The following STK24 variants were observed in gnomAD, a reference collection of about 807,000 sequenced individuals.
STK24 encodes the protein serine/threonine kinase 24, also known as serine/threonine-protein kinase 24.
A neutral mutation model predicts 55.6 loss-of-function variants in STK24; 21 were observed. The observed-to-expected ratio is 0.38, with a 90% CI of 0.27 to 0.54. The LOEUF is 0.54. Among genes scored for constraint, STK24 ranks in the 20% least tolerant of loss-of-function variants. The probability of loss-of-function intolerance (pLI) is 0.79; values close to 1 mark genes in which losing one functional copy is unlikely to be tolerated. For missense variants in STK24, 383 were observed against 538.4 expected, an observed-to-expected ratio of 0.71 and a Z score of 2.86; for synonymous variants, 200 against 215.2, an observed-to-expected ratio of 0.93 and a Z score of 0.62.
At chr13:98,477,773 G>C (rs958402292) in intron 3 of STK24, among the ~76,000 whole-genome samples, 3 of 151,762 alleles carry the variant, frequency 2.0e-5, no homozygotes, top group African/African-American at 7.3e-5. Flanking sequence ...CCTGTGGTTA[G>C]ATCTGGACTT....
chr13:98,512,309 G>A (rs1432536222), intron 2 of STK24, among the ~76,000 whole-genome samples: 1 of 152,200 alleles, frequency 6.6e-6, no homozygotes. Context: ...TCTTACATAG[G>A]TCGATGATGA....
At chr13:98,485,063 G>T (rs935050243) in intron 2 of STK24, among the ~76,000 whole-genome samples, 3 of 152,168 alleles carry the variant, frequency 2.0e-5, no homozygotes, top group African/African-American at 7.2e-5. Flanking sequence ...ATTGCATCAG[G>T]AAAAGCTCCA....
At chr13:98,525,755 T>A (rs1489675119) in intron 1 of STK24, among the ~76,000 whole-genome samples, 3 of 152,024 alleles carry the variant, frequency 2.0e-5, no homozygotes, top group Admixed American at 6.5e-5. Context: ...GAGGAAAGGG[T>A]TCAGGGATAA....
intron 1 of STK24, among the ~76,000 whole-genome samples, chr13:98,560,068 C>G (rs1472898719): frequency 1.3e-5 from 2 of 152,172 alleles, no homozygotes; most frequent in African/African-American, 4.8e-5. Context: ...CTCCGAAAAC[C>G]AGCAGTTTTT....
chr13:98,475,063 G>A, intron 4 of STK24, 85 bp from the exon 5 acceptor site: 1 of 1,501,434 alleles, frequency 6.7e-7, no homozygotes, highest in Non-Finnish European at 8.9e-7. Flanking sequence ...CCCTGGCTGG[G>A]TGGCGAACCC....
At position 98,470,517 on chromosome 13, in the gene STK24, T is replaced by C. The variant is rs186298573; in HGVS notation, c.598-3956A>G. On this transcript the variant is annotated intron_variant, in intron 5 of 10. Coordinates refer to ENST00000539966, the MANE Select transcript of STK24 (RefSeq NM_001032296.4). ...AAAATGAGGTGGAAGGAGAGACCCA[T>C]TTGGGAAAGATATGAAATTAGACAT... is the stretch of plus-strand genomic sequence containing the variant. 9.2e-5 allele frequency among the ~76,000 whole-genome samples: 14 copies of C among 152,336 alleles called. No individual in the cohort carries two copies. In the East Asian group the frequency reaches 2.5e-3, roughly 27 times the overall value.
intron 1 of STK24, among the ~76,000 whole-genome samples, chr13:98,553,936 C>T (rs1230665995): frequency 1.3e-5 from 2 of 152,036 alleles, no homozygotes; most frequent in African/African-American, 4.8e-5. Flanking sequence ...GTGGCAGGTG[C>T]CTGTTATCTC....
intron 6 of STK24, 127 bp downstream of exon 6, chr13:98,466,249 G>C: frequency 1.1e-6 from 1 of 943,002 alleles, no homozygotes; most frequent in Non-Finnish European, 1.5e-6. Context: ...TACTTACTTA[G>C]AAAAAGAAAA....
At chr13:98,464,140 G>C (rs1023412209) in intron 6 of STK24, among the ~76,000 whole-genome samples, 13 of 152,098 alleles carry the variant, frequency 8.5e-5, no homozygotes, top group Admixed American at 3.3e-4. Flanking sequence ...TGATCTGGTC[G>C]GGCGCAGTGG....
intron 1 of STK24, among the ~76,000 whole-genome samples, chr13:98,555,014 C>CAAAAAAAAAAAAAA (rs398024117): frequency 2.3e-5 from 2 of 88,328 alleles, no homozygotes; most frequent in African/African-American, 4.3e-5. Flanking sequence ...GACTCCAACT[C>CAAAAAAAAAAAAAA]AAAAAAAAAA....
At chr13:98,488,532 C>A (rs1375157759) in intron 2 of STK24, among the ~76,000 whole-genome samples, 1 of 152,132 alleles carries the variant, frequency 6.6e-6, no homozygotes, top group Non-Finnish European at 1.5e-5. Context: ...GGGTTACTGA[C>A]CTTTTTTTTA....
intron 2 of STK24, among the ~76,000 whole-genome samples, chr13:98,499,019 G>A (rs577185247): frequency 6.6e-6 from 1 of 152,172 alleles, no homozygotes; most frequent in African/African-American, 2.4e-5. Flanking sequence ...GGCTGAAGCG[G>A]GTGGATCACT....
intron 1 of STK24, among the ~76,000 whole-genome samples, chr13:98,552,395 G>C (rs1201880484): frequency 6.6e-6 from 1 of 152,132 alleles, no homozygotes; most frequent in African/African-American, 2.4e-5. Flanking sequence ...GGGGACACAA[G>C]TGGCTACGGG....
chr13:98,494,412 C>CAAAAAAAAAAAAAAAAAAAA lies in STK24; in HGVS notation c.274-12092_274-12091insTTTTTTTTTTTTTTTTTTTT, dbSNP rs1162677599. On this transcript the variant is annotated intron_variant, in intron 2 of 10. Transcript: ENST00000539966. ...CTGGGTGACAGAGCCAGACTCGTCTCAAAAAAAAAAAAAAAAGTGCCTCTA... is the reference window on the plus strand; with the variant it reads ...CTGGGTGACAGAGCCAGACTCGTCTCAAAAAAAAAAAAAAAAAAAAAAAAAAAAAAAAAAAAGTGCCTCTA... Among the ~76,000 whole-genome samples, 67 of 66,706 alleles carry CAAAAAAAAAAAAAAAAAAAA rather than the reference C, an allele frequency of 1.0e-3. 7 individuals are homozygous for CAAAAAAAAAAAAAAAAAAAA. Among genetic ancestry groups the CAAAAAAAAAAAAAAAAAAAA allele is most frequent in the East Asian group, 4.9e-3 (8 of 1,646 alleles). The allele number at this position is 66,706 out of a possible 152,430, so 43.8% of individuals were successfully genotyped here.
At chr13:98,520,046 T>C (rs1367020744) in intron 1 of STK24, among the ~76,000 whole-genome samples, 1 of 152,224 alleles carries the variant, frequency 6.6e-6, no homozygotes, top group African/African-American at 2.4e-5. Flanking sequence ...GTCACATACA[T>C]GCTGTACCCT....
intron 1 of STK24, among the ~76,000 whole-genome samples, chr13:98,565,658 G>A (rs1380397302): frequency 4.0e-5 from 6 of 150,320 alleles, no homozygotes; most frequent in South Asian, 2.1e-4. Flanking sequence ...AATTATATTC[G>A]ATTAGAGGGT....
chr13:98,528,227 T>C (rs568658464), intron 1 of STK24, among the ~76,000 whole-genome samples: 36 of 152,236 alleles, frequency 2.4e-4, no homozygotes, highest in African/African-American at 8.7e-4. Flanking sequence ...GCCTGGCCAA[T>C]GTCATGACCA....
intron 6 of STK24, 110 bp from the exon 7 acceptor site, chr13:98,463,946 G>T: frequency 7.8e-7 from 1 of 1,282,768 alleles, no homozygotes; most frequent in Non-Finnish European, 1.1e-6. Flanking sequence ...CCTGATGGCT[G>T]GACTCTCTAC....
intron 1 of STK24, among the ~76,000 whole-genome samples, chr13:98,537,394 G>A (rs1308419211): frequency 6.6e-6 from 1 of 152,226 alleles, no homozygotes; most frequent in African/African-American, 2.4e-5. Context: ...ATTCACAACA[G>A]CACAGTGCCC....
Sources: gnomAD v4.1 joint callset for allele counts (sites outside exome capture counted in the v4.1 genomes callset) on GRCh38, gnomAD v4.1.1 for gene constraint, MANE v1.5 for transcripts, NCBI Gene and HGNC (gene_info 2026-07-23, HGNC 2026-07-21) for gene names.